Variants in FUBP3 observed in about 807,000 individuals in gnomAD.
FUBP3 encodes far upstream element-binding protein 3.
FUBP3 carries 28 observed loss-of-function variants against 85.6 expected under a neutral mutation model. The ratio of observed to expected loss-of-function variants is 0.33; its 90% confidence interval spans 0.24 to 0.45. The LOEUF (loss-of-function observed/expected upper bound fraction) is 0.45, where lower values mean the gene tolerates loss of function less well. Ranked by LOEUF, FUBP3 falls within the 20% of genes least tolerant of loss-of-function variation. The pLI is 1.00. For missense variants in FUBP3, 583 were observed against 755.1 expected (o/e 0.77, Z 2.67); for synonymous variants, 271 against 271.4 (o/e 1.00, Z 0.01).
At chr9:130,592,229 C>G (rs1830657408) in intron 1 of FUBP3, among the ~76,000 whole-genome samples, 1 of 152,190 alleles carries the variant, frequency 6.6e-6, no homozygotes, top group Admixed American at 6.5e-5. Flanking sequence ...AAGACTCCAT[C>G]TCAAAAATAA....
rs1417853652 is a variant in FUBP3, at chr9:130,612,052, A to G, written c.225-404A>G. Among the ~76,000 whole-genome samples the G allele has an allele frequency of 1.3e-5, 2 of 152,230 alleles. No homozygotes were observed. Among genetic ancestry groups the G allele is most frequent in the Non-Finnish European group, 2.9e-5 (2 of 68,048 alleles). On this transcript the variant is annotated intron_variant, in intron 3 of 18. Transcript: ENST00000319725. The surrounding 1 kb of genome is among the most constrained non-coding windows in gnomAD (Gnocchi z 4.1). ...TCTCTTCATCTAGAGAGGACTCCAC[A>G]ATAGAAGTCTAAACATCTCCCAAAA...
chr9:130,600,767 GT>G (rs1452914025), intron 2 of FUBP3, among the ~76,000 whole-genome samples: 1 of 152,162 alleles, frequency 6.6e-6, no homozygotes, highest in Non-Finnish European at 1.5e-5. Context: ...GCGTCCAGGA[GT>G]TTGAGACCAG....
At chr9:130,607,448 A>G (rs768134853) in intron 2 of FUBP3, among the ~76,000 whole-genome samples, 2 of 152,316 alleles carry the variant, frequency 1.3e-5, no homozygotes, top group Non-Finnish European at 2.9e-5. Flanking sequence ...CGGGACCTTT[A>G]GAAGCAAGAA....
chr9:130,594,791 C>G (rs1306008710), intron 1 of FUBP3, among the ~76,000 whole-genome samples: 1 of 150,462 alleles, frequency 6.6e-6, no homozygotes, highest in Non-Finnish European at 1.5e-5. Flanking sequence ...TTCAAATATT[C>G]TTGGGGAATT....
At chr9:130,583,418 C>T (rs1156984944) in intron 1 of FUBP3, among the ~76,000 whole-genome samples, 1 of 152,228 alleles carries the variant, frequency 6.6e-6, no homozygotes, top group African/African-American at 2.4e-5. Flanking sequence ...GAAAAAGCCT[C>T]CATTCATTGG....
intron 2 of FUBP3, among the ~76,000 whole-genome samples, chr9:130,601,011 A>G (rs1821091536): frequency 1.3e-5 from 2 of 152,146 alleles, no homozygotes; most frequent in Non-Finnish European, 2.9e-5. Context: ...TATGTATCCC[A>G]CCTACTAAGC....
chr9:130,631,879 G>A (rs578100323), intron 14 of FUBP3, 63 bp from the exon 15 acceptor site: 75 of 1,238,872 alleles, frequency 6.1e-5, no homozygotes, highest in African/African-American at 5.6e-4. Context: ...CTGGGGCTGC[G>A]GGGAGGGGAC....
At chr9:130,595,353 G>A (rs60099952) in intron 1 of FUBP3, 130 bp from the exon 2 acceptor site, 7 of 624,686 alleles carry the variant, frequency 1.1e-5, no homozygotes, top group East Asian at 8.0e-5. Flanking sequence ...GTGCTCTTGC[G>A]GTGCTGCCTT....
intron 1 of FUBP3, among the ~76,000 whole-genome samples, chr9:130,595,021 G>A (rs761999619): frequency 2.6e-5 from 4 of 151,932 alleles, no homozygotes; most frequent in South Asian, 2.1e-4. Flanking sequence ...GAGGTTGGGC[G>A]TTCGAGGCCA....
chr9:130,596,297 G>A (rs1014445268), intron 2 of FUBP3, among the ~76,000 whole-genome samples: 1 of 152,138 alleles, frequency 6.6e-6, no homozygotes, highest in African/African-American at 2.4e-5. Context: ...TTTGCATGTA[G>A]TCGAGTGAGT....
Position 130,614,311 on chromosome 9 carries a change from C to G in FUBP3, c.370C>G (p.Pro124Ala). The change falls in exon 6 of 19, where the codon CCC becomes GCC. Residue 124 changes from proline to alanine, a missense_variant. Transcript: ENST00000319725. ...ASESSGIPER[P>A]CVLTGTPESI... ...AGAGAGTTCTGGGATTCCAGAGAGGCCCTGTGTACTTACCGGAACCCCAGA... is the reference window on the plus strand; with the variant it reads ...AGAGAGTTCTGGGATTCCAGAGAGGGCCTGTGTACTTACCGGAACCCCAGA... The G allele has an allele frequency of 6.2e-7, 1 of 1,605,568 alleles. No homozygotes were observed. Among genetic ancestry groups the G allele is most frequent in the South Asian group, 1.1e-5 (1 of 90,876 alleles).
intron 11 of FUBP3, among the ~76,000 whole-genome samples, chr9:130,624,119 A>G (rs1829868842): frequency 1.3e-5 from 2 of 152,214 alleles, no homozygotes. Context: ...TTTCATGCAC[A>G]TCTTTGGACT....
chr9:130,580,868 A>C (rs1021094546), intron 1 of FUBP3: 1 of 152,152 alleles, frequency 6.6e-6, no homozygotes, highest in Non-Finnish European at 1.5e-5. Context: ...ATTTTATCTG[A>C]TGAATTGTTA....
In FUBP3 at chr9:130,612,858, G is replaced by C. The variant is rs1831817183; in HGVS notation, c.275-98G>C. On this transcript the variant is annotated intron_variant, in intron 4 of 18. Transcript: ENST00000319725. This position sits in a 1 kb window ranked among gnomAD's most constrained non-coding sequence, Gnocchi z 4.1. ...GGGCCAACTCGATGTGTAGTATTGT[G>C]AGCCAAGTGTCACAGTTTGTGGAAT... 1.1e-5 allele frequency: 9 copies of C among 852,200 alleles called. No individual in the cohort carries two copies. In the Admixed American group the frequency reaches 1.7e-4, roughly 16 times the overall value. 52.8% of individuals were successfully genotyped at this position (852,200 alleles called of 1,614,324 possible).
rs931501367 is a variant in FUBP3, at chr9:130,616,596, G to A, written c.567+79G>A. On this transcript the variant is annotated intron_variant, in intron 7 of 18. Coordinates refer to ENST00000319725, the MANE Select transcript of FUBP3 (RefSeq NM_003934.2). The surrounding 1 kb of genome is among the most constrained non-coding windows in gnomAD (Gnocchi z 4.7). ...TTCCTGGCCCAGGAGATCTGCTTAC[G>A]GCTGGCATTCCCTGGCTGGGCTGGC... 16 of 1,370,256 alleles carry A rather than the reference G, an allele frequency of 1.2e-5. No individual in the cohort carries two copies. The highest frequency in any genetic ancestry group is 2.3e-5 in the East Asian group (1 of 43,574). The allele number at this position is 1,370,256 out of a possible 1,614,324, so 84.9% of individuals were successfully genotyped here.
intron 2 of FUBP3, among the ~76,000 whole-genome samples, chr9:130,603,745 G>A (rs139028114): frequency 2.9e-4 from 44 of 152,322 alleles, no homozygotes; most frequent in African/African-American, 1.0e-3. Flanking sequence ...ATTCTTCGCA[G>A]CTGTTAATAG....
At chr9:130,596,208 A>G (rs935829122) in intron 2 of FUBP3, among the ~76,000 whole-genome samples, 34 of 152,198 alleles carry the variant, frequency 2.2e-4, no homozygotes, top group African/African-American at 8.0e-4. Flanking sequence ...GTGTTTCTGT[A>G]GAGAGCTTGG....
rs1353120317 is a variant in FUBP3, at chr9:130,637,328, T to TTTTGG, written c.*320_*324dup. The TTTTGG allele has an allele frequency of 8.2e-6, 3 of 366,664 alleles. No individual in the cohort carries two copies. The highest frequency in any genetic ancestry group is 4.1e-5 in the African/African-American group (2 of 48,486). 22.7% of individuals were successfully genotyped at this position (366,664 alleles called of 1,614,324 possible). A position where few individuals can be genotyped will look rare whatever the true frequency, so the allele number is the denominator to read the frequency against. On this transcript the variant is annotated 3_prime_UTR_variant, in exon 19 of 19. Coordinates refer to ENST00000319725, the MANE Select transcript of FUBP3 (RefSeq NM_003934.2). ...GAGCTGTGACATTTCAACATGATGG[T>TTTTGG]TTTGGTTTGGTTTGGTTTTGTGTCC...
intron 5 of FUBP3, 23 bp downstream of exon 5, chr9:130,613,050 T>A: frequency 6.8e-7 from 1 of 1,480,916 alleles, no homozygotes; most frequent in Non-Finnish European, 9.4e-7. Context: ...TAAAAATAGA[T>A]ATCAATTTTG....
Sources: gnomAD v4.1 joint callset for allele counts (sites outside exome capture counted in the v4.1 genomes callset) on GRCh38, gnomAD v4.1.1 for gene constraint, Gnocchi (gnomAD v3.1) non-coding constraint, MANE v1.5 for transcripts, NCBI Gene and HGNC (gene_info 2026-07-23, HGNC 2026-07-21) for gene names.